The following LARP4B variants were observed in gnomAD, a reference collection of about 807,000 sequenced individuals.
LARP4B encodes La ribonucleoprotein 4B.
In LARP4B, 12 loss-of-function variants were observed where a neutral mutation model predicts 89.8. The observed-to-expected ratio is 0.13, with a 90% CI of 0.09 to 0.22. LARP4B has a LOEUF of 0.22. Ranked by LOEUF, LARP4B falls within the 10% of genes least tolerant of loss-of-function variation. The pLI, the probability that LARP4B is intolerant of heterozygous loss-of-function variation, is 1.00. For missense variants in LARP4B, 757 were observed against 947.7 expected, an observed-to-expected ratio of 0.80 and a Z score of 2.64; for synonymous variants, 367 against 363.3, an observed-to-expected ratio of 1.01 and a Z score of -0.12.
At chr10:944,224 T>G in the LARP4B span, among the ~76,000 whole-genome samples, 2 of 152,192 alleles carry the variant, frequency 1.3e-5, no homozygotes, top group African/African-American at 4.8e-5. Flanking sequence ...TGTGTTTGTA[T>G]CAAGTTACCT....
Position 822,789 on chromosome 10 carries a change from A to C in LARP4B, c.1485-1944T>G, listed in dbSNP as rs952754962. ...AGGTGTGCTTCCCCCAGCTGATCCT[A>C]ACAGTAGCTCCACCAAGGCAGCCAC... On this transcript the variant is annotated intron_variant, in intron 13 of 17. Transcript: ENST00000316157. This position sits in a 1 kb window ranked among gnomAD's most constrained non-coding sequence, Gnocchi z 4.6. Among the ~76,000 whole-genome samples the C allele has an allele frequency of 2.0e-5, 3 of 152,140 alleles. No homozygotes were observed. Among genetic ancestry groups the C allele is most frequent in the Non-Finnish European group, 4.4e-5 (3 of 68,028 alleles).
At chr10:961,901 A>G in the LARP4B span, among the ~76,000 whole-genome samples, 1 of 152,116 alleles carries the variant, frequency 6.6e-6, no homozygotes, top group Non-Finnish European at 1.5e-5. Context: ...AGGTTTGGGG[A>G]GACAAATATC....
At chr10:908,515 T>C (rs1836561312) in intron 1 of LARP4B, among the ~76,000 whole-genome samples, 1 of 151,624 alleles carries the variant, frequency 6.6e-6, no homozygotes, top group African/African-American at 2.4e-5. Context: ...AGGGGCAGTC[T>C]TGTAGGGATG....
At chr10:885,538 G>A (rs117813313) in intron 2 of LARP4B, 103 bp downstream of exon 2, 219 of 728,778 alleles carry the variant, frequency 3.0e-4, no homozygotes, top group Non-Finnish European at 4.5e-4. Context: ...CAGATCCTAA[G>A]ATGTGCCAGT....
At chr10:888,588 C>T (rs1215590388) in intron 1 of LARP4B, among the ~76,000 whole-genome samples, 6 of 152,058 alleles carry the variant, frequency 3.9e-5, no homozygotes, top group African/African-American at 1.4e-4. Context: ...AAAATATCAC[C>T]AAACTTCTAA....
chr10:929,376 CTTGAGGCCAGGAGT>C (rs1169404316), intron 1 of LARP4B, among the ~76,000 whole-genome samples: 1 of 152,202 alleles, frequency 6.6e-6, no homozygotes, highest in African/African-American at 2.4e-5. Flanking sequence ...AGGTGGATCA[CTTGAGGCCAGGAGT>C]TCGAGACCAG....
the LARP4B span, among the ~76,000 whole-genome samples, chr10:982,095 TTTTTC>T: frequency 0.012 from 1,035 of 89,316 alleles, 15 homozygotes; most frequent in African/African-American, 0.043. Flanking sequence ...CTATAGCTTT[TTTTTC>T]TTTCTTTCTT....
chr10:919,483 G>A (rs961036935), intron 1 of LARP4B, among the ~76,000 whole-genome samples: 3 of 151,854 alleles, frequency 2.0e-5, no homozygotes, highest in Non-Finnish European at 4.4e-5. Flanking sequence ...CAAGTGTTCT[G>A]AAGAATAAAT....
intron 1 of LARP4B, among the ~76,000 whole-genome samples, chr10:910,707 C>G (rs990330826): frequency 1.4e-4 from 22 of 152,306 alleles, no homozygotes; most frequent in African/African-American, 5.3e-4. Flanking sequence ...CTGCTCATGG[C>G]AGAGGTTTGG....
chr10:908,246 C>T (rs1467251722), intron 1 of LARP4B, among the ~76,000 whole-genome samples: 1 of 152,120 alleles, frequency 6.6e-6, no homozygotes, highest in African/African-American at 2.4e-5. Context: ...GTTTGGGGAG[C>T]TTCCAGATAG....
chr10:827,170 A>G (rs558980087), intron 11 of LARP4B, among the ~76,000 whole-genome samples: 313 of 152,158 alleles, frequency 2.1e-3, no homozygotes, highest in African/African-American at 7.2e-3. Context: ...CAGCTACTCA[A>G]GAGGCTGAGG....
At chr10:864,496 G>C (rs559748964) in intron 3 of LARP4B, among the ~76,000 whole-genome samples, 3 of 151,370 alleles carry the variant, frequency 2.0e-5, no homozygotes, top group Admixed American at 2.0e-4. Flanking sequence ...CCAAGACCAA[G>C]GCTTGCAGAG....
At chr10:870,243 T>C (rs1835133861) in intron 3 of LARP4B, among the ~76,000 whole-genome samples, 1 of 152,118 alleles carries the variant, frequency 6.6e-6, no homozygotes, top group Non-Finnish European at 1.5e-5. Flanking sequence ...AATGCTGGGT[T>C]TCCTAACCCT....
At chr10:878,402 C>G (rs1021817857) in intron 3 of LARP4B, among the ~76,000 whole-genome samples, 2 of 152,156 alleles carry the variant, frequency 1.3e-5, no homozygotes, top group African/African-American at 4.8e-5. Context: ...ATGAAGCAGC[C>G]TGACCATCTC....
intron 1 of LARP4B, among the ~76,000 whole-genome samples, chr10:928,658 T>G (rs1448854459): frequency 2.0e-5 from 3 of 152,218 alleles, no homozygotes; most frequent in Admixed American, 1.3e-4. Flanking sequence ...CATGGCTCAC[T>G]GCAGCCTCAA....
At chr10:887,250 T>C (rs190289560) in intron 1 of LARP4B, among the ~76,000 whole-genome samples, 13 of 152,240 alleles carry the variant, frequency 8.5e-5, no homozygotes, top group Admixed American at 8.5e-4. Flanking sequence ...TAATATTGTA[T>C]TGTACACTCG....
chr10:924,926 T>TACC (rs1177747936), intron 1 of LARP4B, among the ~76,000 whole-genome samples: 2 of 152,248 alleles, frequency 1.3e-5, no homozygotes, highest in East Asian at 3.8e-4. Flanking sequence ...TTCTAAGGCT[T>TACC]AGGTTCATAC....
At chr10:928,597 G>T (rs143557584) in intron 1 of LARP4B, among the ~76,000 whole-genome samples, 1 of 152,082 alleles carries the variant, frequency 6.6e-6, no homozygotes, top group African/African-American at 2.4e-5. Context: ...TTTTGGGGGT[G>T]GGGGGAGACA....
intron 1 of LARP4B, among the ~76,000 whole-genome samples, chr10:905,396 A>G (rs958733323): frequency 2.6e-5 from 4 of 152,194 alleles, no homozygotes; most frequent in Admixed American, 1.3e-4. Context: ...CATTTCAGTG[A>G]AAGGGAAATA....
Sources: allele counts gnomAD v4.1 joint callset (sites outside exome capture counted in the v4.1 genomes callset), GRCh38; gene constraint gnomAD v4.1.1; non-coding constraint Gnocchi (gnomAD v3.1); transcripts MANE v1.5; gene names NCBI Gene and HGNC (gene_info 2026-07-23, HGNC 2026-07-21).